TGFBR3: variants seen among roughly 807,000 people sequenced by gnomAD.
TGFBR3 encodes transforming growth factor beta receptor 3, also known as transforming growth factor beta receptor type 3.
In TGFBR3, 46 loss-of-function variants were observed where a neutral mutation model predicts 87.9. The observed-to-expected ratio is 0.52, with a 90% CI of 0.41 to 0.67. TGFBR3 has a LOEUF of 0.67. TGFBR3 is among the 30% of genes least tolerant of loss of function. TGFBR3 has a pLI of 0.00. For synonymous variants in TGFBR3, 381 were observed against 391.6 expected (o/e 0.97, Z 0.32); for missense variants, 866 against 1,041.9 (o/e 0.83, Z 2.32).
In TGFBR3 at chr1:91,855,390, C is replaced by T. The variant is rs1043984945; in HGVS notation, c.61+6081G>A. On this transcript the variant is annotated intron_variant, in intron 2 of 16. Coordinates refer to ENST00000212355, the MANE Select transcript of TGFBR3 (RefSeq NM_003243.5). ...ACAAGGGGCCAGTGATAACTCCAGC[C>T]CTTCCAATAAAACTGATTTCCCTGA... Among the ~76,000 whole-genome samples the T allele has an allele frequency of 1.4e-4, 22 of 152,282 alleles. 2 individuals carry two copies. The highest frequency in any genetic ancestry group is 5.3e-4 in the African/African-American group (22 of 41,574).
rs538406805 is a variant in TGFBR3, at chr1:91,699,085, T to C, written c.2288-955A>G. On this transcript the variant is annotated intron_variant, in intron 14 of 16. Coordinates refer to ENST00000212355, the MANE Select transcript of TGFBR3 (RefSeq NM_003243.5). ...TATAGGGAAAAAAATCCACACTCTT[T>C]AACATGGCACACAAAGTTCTCCCTC... Among the ~76,000 whole-genome samples the C allele has an allele frequency of 1.1e-4, 16 of 152,224 alleles. 1 individual carries two copies. The South Asian group carries it at 2.9e-3, about 28-fold the overall frequency.
intron 5 of TGFBR3, among the ~76,000 whole-genome samples, chr1:91,730,316 A>C (rs982016570): frequency 6.6e-6 from 1 of 152,136 alleles, no homozygotes; most frequent in Admixed American, 6.5e-5. Flanking sequence ...TATAGACCCC[A>C]ACCCAGAGAA....
At chr1:91,753,355 A>G (rs1571474702) in intron 4 of TGFBR3, among the ~76,000 whole-genome samples, 1 of 129,266 alleles carries the variant, frequency 7.7e-6, no homozygotes, top group Non-Finnish European at 1.6e-5. Flanking sequence ...GCACCACTGC[A>G]CTCCAGCCTG....
intron 4 of TGFBR3, among the ~76,000 whole-genome samples, chr1:91,754,840 C>G (rs1371998454): frequency 6.6e-6 from 1 of 151,978 alleles, no homozygotes; most frequent in African/African-American, 2.4e-5. Context: ...AAAAGGTCAC[C>G]CTGATAAATG....
At chr1:91,805,497 A>G (rs376929764) in intron 2 of TGFBR3, among the ~76,000 whole-genome samples, 1 of 152,310 alleles carries the variant, frequency 6.6e-6, no homozygotes, top group African/African-American at 2.4e-5. Context: ...TCTACTGACA[A>G]AAATATTTAC....
intron 1 of TGFBR3, among the ~76,000 whole-genome samples, chr1:91,902,108 A>T (rs1679733490): frequency 1.3e-5 from 2 of 152,158 alleles, no homozygotes; most frequent in African/African-American, 4.8e-5. Context: ...GTTAAATATT[A>T]TTGGAAAACT....
rs1222944153 is a variant in TGFBR3 at position 91,682,051 on chromosome 1, A to C, written c.*1688T>G. ...AGTTAAAATGTTCCTTATTGAAAAAAAAAAATGTTCCTTATTGAATGTGTA... is the reference window on the plus strand; with the variant it reads ...AGTTAAAATGTTCCTTATTGAAAAACAAAAATGTTCCTTATTGAATGTGTA... On this transcript the variant is annotated 3_prime_UTR_variant, in exon 17 of 17. Transcript: ENST00000212355. 8.8e-6 allele frequency: 4 copies of C among 453,886 alleles called. No homozygotes were observed. The highest frequency in any genetic ancestry group is 8.8e-6 in the Non-Finnish European group (2 of 226,764). 28.1% of individuals were successfully genotyped at this position (453,886 alleles called of 1,614,324 possible).
intron 2 of TGFBR3, among the ~76,000 whole-genome samples, chr1:91,844,136 T>C (rs1203042058): frequency 1.3e-5 from 2 of 152,208 alleles, no homozygotes; most frequent in Non-Finnish European, 2.9e-5. Context: ...TCAGCAACAC[T>C]AGCCTTCAGC....
intron 1 of TGFBR3, among the ~76,000 whole-genome samples, chr1:91,879,771 G>A (rs1405245781): frequency 1.3e-5 from 2 of 152,092 alleles, no homozygotes; most frequent in African/African-American, 4.8e-5. Context: ...AAAGCTCAAT[G>A]TCAGTTAACA....
intron 3 of TGFBR3, among the ~76,000 whole-genome samples, chr1:91,788,105 G>A (rs1178865835): frequency 6.6e-6 from 1 of 152,216 alleles, no homozygotes; most frequent in Non-Finnish European, 1.5e-5. Flanking sequence ...GCAAGAGTGG[G>A]GCAGGCAGAT....
intron 10 of TGFBR3, among the ~76,000 whole-genome samples, chr1:91,718,531 A>G (rs6680740): frequency 0.72 from 107,450 of 148,734 alleles, 38,515 homozygotes; most frequent in Middle Eastern, 0.83. Flanking sequence ...TATTTTTACC[A>G]TTAAAAGTAA....
At chr1:91,737,741 C>T (rs1673013112) in intron 4 of TGFBR3, among the ~76,000 whole-genome samples, 1 of 152,168 alleles carries the variant, frequency 6.6e-6, no homozygotes, top group South Asian at 2.1e-4. Flanking sequence ...ACACCCCTAG[C>T]TTCTTCAGTT....
intron 1 of TGFBR3, among the ~76,000 whole-genome samples, chr1:91,868,880 G>A (rs1290180729): frequency 6.6e-6 from 1 of 152,142 alleles, no homozygotes; most frequent in Non-Finnish European, 1.5e-5. Context: ...GAAACACTAA[G>A]AATTAAAACT....
chr1:91,820,713 A>G (rs1676418083), intron 2 of TGFBR3, among the ~76,000 whole-genome samples: 1 of 152,190 alleles, frequency 6.6e-6, no homozygotes, highest in African/African-American at 2.4e-5. Context: ...ATGTTCATCA[A>G]AAAGGGTGTA....
intron 14 of TGFBR3, among the ~76,000 whole-genome samples, chr1:91,701,105 G>A (rs1361384741): frequency 6.6e-6 from 1 of 152,112 alleles, no homozygotes; most frequent in African/African-American, 2.4e-5. Context: ...AGTAAGGCCT[G>A]TGTGATGGAT....
In TGFBR3 at chr1:91,759,668, G is replaced by A. The variant is rs193295148; in HGVS notation, c.247-918C>T. ...CTCATACTGGCTTTCCATACAGAGC[G>A]GGGAGGCAAGACCCAAGAATCACAT... On this transcript the variant is annotated intron_variant, in intron 3 of 16. Coordinates refer to ENST00000212355, the MANE Select transcript of TGFBR3 (RefSeq NM_003243.5). Among the ~76,000 whole-genome samples the A allele has an allele frequency of 5.1e-4, 78 of 152,262 alleles. 1 individual carries two copies. The highest frequency in any genetic ancestry group is 3.4e-3 in the Middle Eastern group (1 of 294).
intron 1 of TGFBR3, among the ~76,000 whole-genome samples, chr1:91,873,728 C>G (rs963847767): frequency 1.3e-5 from 2 of 152,296 alleles, no homozygotes; most frequent in Middle Eastern, 3.4e-3. Flanking sequence ...GGGTGGATCA[C>G]TTGAGATCAG....
intron 12 of TGFBR3, among the ~76,000 whole-genome samples, chr1:91,713,963 G>C (rs977666570): frequency 1.3e-5 from 2 of 151,420 alleles, no homozygotes; most frequent in Admixed American, 6.6e-5. Context: ...TCCCAAAAAG[G>C]GATACCTTTG....
intron 1 of TGFBR3, among the ~76,000 whole-genome samples, chr1:91,902,271 T>TTGTGTGTGTGTG (rs200355608): frequency 6.7e-6 from 1 of 148,250 alleles, no homozygotes; most frequent in Non-Finnish European, 1.5e-5. Flanking sequence ...TCCTTTTCTT[T>TTGTGTGTGTGTG]TGTGTGTGTG....
Sources: allele counts gnomAD v4.1 joint callset (sites outside exome capture counted in the v4.1 genomes callset), GRCh38; gene constraint gnomAD v4.1.1; transcripts MANE v1.5; gene names NCBI Gene and HGNC (gene_info 2026-07-23, HGNC 2026-07-21).